TMEM161B: variants seen among roughly 807,000 people sequenced by gnomAD.
TMEM161B encodes the protein transmembrane protein 161B.
Under a neutral mutation model 61.8 loss-of-function variants are expected in TMEM161B, and 34 were observed. The observed-to-expected ratio is 0.55, with a 90% CI of 0.42 to 0.73. TMEM161B has a LOEUF of 0.73. Ranked by LOEUF, TMEM161B falls within the 30% of genes least tolerant of loss-of-function variation. The pLI is 0.00. For missense variants in TMEM161B, 456 were observed against 558.5 expected (o/e 0.82, Z 1.85); for synonymous variants, 167 against 192.8 (o/e 0.87, Z 1.11).
chr5:88,200,343 T>C (rs1181883537), intron 9 of TMEM161B: 1 of 151,728 alleles, frequency 6.6e-6, no homozygotes, highest in Non-Finnish European at 1.5e-5. Context: ...CAATGAACAA[T>C]GAGATTTAGG....
intron 5 of TMEM161B, among the ~76,000 whole-genome samples, chr5:88,210,013 T>C (rs1746389315): frequency 6.6e-6 from 1 of 152,348 alleles, no homozygotes; most frequent in Middle Eastern, 3.4e-3. Flanking sequence ...TGTAATCATA[T>C]ACTATCTTAA....
chr5:88,206,726 G>A (rs1014874429), intron 6 of TMEM161B, among the ~76,000 whole-genome samples: 1 of 151,956 alleles, frequency 6.6e-6, no homozygotes, highest in African/African-American at 2.4e-5. Flanking sequence ...CCATGAGTGT[G>A]CATAAAATTT....
intron 5 of TMEM161B, among the ~76,000 whole-genome samples, chr5:88,208,831 A>G (rs1400069558): frequency 2.0e-5 from 3 of 152,228 alleles, no homozygotes; most frequent in Non-Finnish European, 2.9e-5. Flanking sequence ...ATAGCACCTA[A>G]GTCAATGTGG....
chr5:88,188,138 CTT>C (rs1259056717), downstream of TMEM161B, among the ~76,000 whole-genome samples: 4 of 151,740 alleles, frequency 2.6e-5, no homozygotes, highest in Non-Finnish European at 5.9e-5. Context: ...TGGTTTCACT[CTT>C]GTTGCCCAGG....
intron 1 of TMEM161B, among the ~76,000 whole-genome samples, chr5:88,253,887 C>A: frequency 6.6e-6 from 1 of 151,698 alleles, no homozygotes; most frequent in African/African-American, 2.4e-5. Context: ...CTGTAAGTTT[C>A]AGTAAAATAA....
chr5:88,244,963 GCTA>G (rs1753374519), intron 1 of TMEM161B, among the ~76,000 whole-genome samples: 1 of 151,816 alleles, frequency 6.6e-6, no homozygotes, highest in Non-Finnish European at 1.5e-5. Flanking sequence ...GTATAGGAAT[GCTA>G]CTGATTTTTA....
chr5:88,219,583 T>G (rs953104462), intron 5 of TMEM161B, among the ~76,000 whole-genome samples: 2 of 151,626 alleles, frequency 1.3e-5, no homozygotes, highest in African/African-American at 4.8e-5. Context: ...ACCAGAAGAA[T>G]AAAAAGAAAA....
intron 5 of TMEM161B, among the ~76,000 whole-genome samples, chr5:88,218,950 T>C (rs1001014838): frequency 2.4e-5 from 3 of 127,280 alleles, no homozygotes; most frequent in African/African-American, 7.6e-5. Flanking sequence ...GAGGCAGACA[T>C]AGAATATCTT....
chr5:88,247,516 G>A (rs1753767774), intron 1 of TMEM161B, among the ~76,000 whole-genome samples: 3 of 152,052 alleles, frequency 2.0e-5, no homozygotes, highest in Admixed American at 2.0e-4. Context: ...AAATAAAAAA[G>A]AGGATATTAT....
Position 88,228,455 on chromosome 5 carries a change from TGG to T in TMEM161B, c.179_180del (p.Thr60LysfsTer4). 6.2e-7 allele frequency: 1 copy of T among 1,606,764 alleles called. No homozygotes were observed. Among genetic ancestry groups the T allele is most frequent in the South Asian group, 1.1e-5 (1 of 89,220 alleles). ...CTCAATAAAACTTACCTATCTTTTT[TGG>T]TTTTCCCTTTTTGTTGTTTCCCTGC... ...ILAGKQQKGK[T>X]KKDRKYNGHI... is the part of the protein sequence containing the mutation. On this transcript the variant is annotated frameshift_variant, in exon 3 of 12. Transcript: ENST00000296595. LOFTEE classifies it high-confidence loss of function.
intron 8 of TMEM161B, among the ~76,000 whole-genome samples, chr5:88,204,861 A>G (rs152229): frequency 0.29 from 43,372 of 151,096 alleles, 7,272 homozygotes; most frequent in African/African-American, 0.44. Context: ...AAAAAAAAAG[A>G]CAGTCAAAAT....
chr5:88,204,721 G>T (rs761159328), intron 8 of TMEM161B, among the ~76,000 whole-genome samples: 1 of 151,606 alleles, frequency 6.6e-6, no homozygotes, highest in African/African-American at 2.4e-5. Flanking sequence ...GGAGAAAGAC[G>T]GGATGCAGCC....
chr5:88,194,985 C>G (rs915697981), downstream of TMEM161B: 1 of 237,286 alleles, frequency 4.2e-6, no homozygotes, highest in African/African-American at 2.3e-5. Flanking sequence ...TCCGTTTTGG[C>G]CAGTAAAACA....
Position 88,195,717 on chromosome 5 carries a change from G to A in TMEM161B, c.*494C>T. On this transcript the variant is annotated 3_prime_UTR_variant, in exon 12 of 12. Transcript: ENST00000296595. ...ATACAGTAGCTATCTCTTCCTTTCT[G>A]TTGGATTTTATTGTTTCAAGAGTAA... The A allele has an allele frequency of 1.0e-6, 1 of 986,396 alleles. No individual in the cohort carries two copies. Among genetic ancestry groups the A allele is most frequent in the East Asian group, 1.1e-4 (1 of 8,826 alleles). 61.1% of individuals were successfully genotyped at this position (986,396 alleles called of 1,614,324 possible).
chr5:88,188,937 C>T (rs1379526300), downstream of TMEM161B, among the ~76,000 whole-genome samples: 1 of 152,166 alleles, frequency 6.6e-6, no homozygotes, highest in Non-Finnish European at 1.5e-5. Flanking sequence ...TCCTCGTCTT[C>T]AGACAGGAGA....
chr5:88,206,130 A>C (rs1262620423), intron 7 of TMEM161B, among the ~76,000 whole-genome samples, 176 bp from the exon 8 acceptor site: 1 of 152,162 alleles, frequency 6.6e-6, no homozygotes, highest in Non-Finnish European at 1.5e-5. Flanking sequence ...CTGTAAACTA[A>C]ATGAGGCATC....
intron 2 of TMEM161B, among the ~76,000 whole-genome samples, chr5:88,230,202 A>C (rs185280997): frequency 6.6e-6 from 1 of 152,130 alleles, no homozygotes; most frequent in East Asian, 1.9e-4. Flanking sequence ...AAAACAAAAC[A>C]AACAAACAAA....
chr5:88,221,897 C>T (rs1012003508), intron 4 of TMEM161B: 1 of 340,870 alleles, frequency 2.9e-6, no homozygotes, highest in East Asian at 7.4e-5. Flanking sequence ...ATACGATATC[C>T]TTATAGAAAA....
intron 1 of TMEM161B, among the ~76,000 whole-genome samples, chr5:88,246,679 A>T: frequency 6.6e-6 from 1 of 152,016 alleles, no homozygotes; most frequent in East Asian, 1.9e-4. Context: ...GTTTATACAA[A>T]AGCAGAACTT....
Sources: allele counts gnomAD v4.1 joint callset (sites outside exome capture counted in the v4.1 genomes callset), GRCh38; gene constraint gnomAD v4.1.1; transcripts MANE v1.5; gene names NCBI Gene and HGNC (gene_info 2026-07-23, HGNC 2026-07-21).